Variants in PCDH11X observed in about 807,000 individuals in gnomAD.
PCDH11X encodes protocadherin-11 X-linked.
PCDH11X carries 18 observed loss-of-function variants against 53.3 expected under a neutral mutation model. The observed-to-expected ratio is 0.34, with a 90% CI of 0.23 to 0.50. The LOEUF (loss-of-function observed/expected upper bound fraction) is 0.50, where lower values mean the gene tolerates loss of function less well. PCDH11X is among the 20% of genes least tolerant of loss of function. The pLI is 0.98. For synonymous variants in PCDH11X, 279 were observed against 393.3 expected (o/e 0.71, Z 3.44); for missense variants, 570 against 1,032.4 (o/e 0.55, Z 6.14).
intron 1 of PCDH11X, among the ~76,000 whole-genome samples, chrX:91,804,098 A>G (rs778539449): frequency 1.9e-4 from 21 of 112,308 alleles, no homozygotes; most frequent in African/African-American, 5.8e-4. Flanking sequence ...TTGTTTCTTA[A>G]TAGCTTAAGC....
intron 6 of PCDH11X, among the ~76,000 whole-genome samples, chrX:91,929,550 T>G (rs1942056402): frequency 9.0e-6 from 1 of 111,008 alleles, no homozygotes; most frequent in African/African-American, 3.3e-5. Context: ...GAATTTTGTT[T>G]TAACTATCAT....
At chrX:92,042,463 C>T (rs1313732673) in intron 6 of PCDH11X, among the ~76,000 whole-genome samples, 2 of 103,311 alleles carry the variant, frequency 1.9e-5, no homozygotes. Flanking sequence ...AGTATAAAAT[C>T]TTCTGACAAA....
rs537086417 is a variant in PCDH11X, at chrX:92,583,168, C to T, written c.3368-35096C>T. 4.0e-3 allele frequency among the ~76,000 whole-genome samples: 391 copies of T among 96,576 alleles called. 2 individuals carry two copies. The highest frequency in any genetic ancestry group is 0.015 in the African/African-American group (371 of 25,484). 83.9% of individuals were successfully genotyped at this position (96,576 alleles called of 115,157 possible). On this transcript the variant is annotated intron_variant, in intron 10 of 10. Transcript: ENST00000682573. The stretch of plus-strand genomic sequence containing the variant: ...AGGCTGGAGTGCAGTGGTGTGATCT[C>T]GGCTCACTGCAACCTCCGCCTCCCA...
chrX:92,564,144 C>T lies in PCDH11X; in HGVS notation c.3368-54120C>T, dbSNP rs182361478. The stretch of plus-strand genomic sequence containing the variant: ...GACACCAAAAAATGGAAAGATATTT[C>T]GTGTTCATGGATTGGAAGAATCAAT... On this transcript the variant is annotated intron_variant, in intron 10 of 10. Coordinates refer to ENST00000682573, the MANE Select transcript of PCDH11X (RefSeq NM_032968.5). Among the ~76,000 whole-genome samples, 27 of 111,218 alleles carry T rather than the reference C, an allele frequency of 2.4e-4. No individual in the cohort carries two copies. The East Asian group carries it at 5.4e-3, about 22-fold the overall frequency.
At position 91,903,656 on chromosome X, in the gene PCDH11X, CGTGTGT is replaced by C. The variant is rs61017416; in HGVS notation, c.3033+24411_3033+24416del. ...GACTCAGCTCAGGTTCCTCTATGTG[CGTGTGT>C]GTGTGTGTGTGTGTGTGTGTGTGTG... On this transcript the variant is annotated intron_variant, in intron 6 of 10. Transcript: ENST00000682573. Among the ~76,000 whole-genome samples, 14 of 93,950 alleles carry C rather than the reference CGTGTGT, an allele frequency of 1.5e-4. No homozygotes were observed. In the East Asian group the frequency reaches 2.7e-3, roughly 18 times the overall value. 81.6% of individuals were successfully genotyped at this position (93,950 alleles called of 115,157 possible).
chrX:92,114,139 G>C lies in PCDH11X; in HGVS notation c.3034-87236G>C, dbSNP rs756118631. 8 of 1,178,308 alleles carry C rather than the reference G, an allele frequency of 6.8e-6. No individual in the cohort carries two copies. In the Admixed American group the frequency reaches 1.8e-4, roughly 26 times the overall value. Reference sequence around the variant, plus strand: ...TATCTGCTGAGCCAATTCTCGAGTGGGTGCTAGGACCAAGGCCTGGGTGGC... The same window carrying C: ...TATCTGCTGAGCCAATTCTCGAGTGCGTGCTAGGACCAAGGCCTGGGTGGC... On this transcript the variant is annotated intron_variant, in intron 6 of 10. Transcript: ENST00000682573.
intron 1 of PCDH11X, among the ~76,000 whole-genome samples, chrX:91,809,126 C>A (rs1023756037): frequency 3.7e-5 from 4 of 109,438 alleles, no homozygotes; most frequent in African/African-American, 1.3e-4. Context: ...GTTCTTGGCA[C>A]TAACTTCTTC....
chrX:92,049,955 A>G (rs916861458), intron 6 of PCDH11X, among the ~76,000 whole-genome samples: 2 of 111,325 alleles, frequency 1.8e-5, no homozygotes, highest in African/African-American at 6.5e-5. Flanking sequence ...TTGTATTTTT[A>G]GTAGAGACGG....
At chrX:92,414,155 G>A (rs1366739332) in intron 9 of PCDH11X, among the ~76,000 whole-genome samples, 3 of 101,923 alleles carry the variant, frequency 2.9e-5, no homozygotes, top group Non-Finnish European at 5.9e-5. Flanking sequence ...AAAGCCTATT[G>A]GTGGTTAGTG....
At chrX:91,830,849 T>G (rs1471029379) in intron 4 of PCDH11X, among the ~76,000 whole-genome samples, 2 of 111,752 alleles carry the variant, frequency 1.8e-5, no homozygotes, top group Non-Finnish European at 3.8e-5. Context: ...GTACAAAAAT[T>G]GTAGCATATA....
At chrX:92,209,328 C>T (rs1004932041) in intron 7 of PCDH11X, among the ~76,000 whole-genome samples, 4 of 111,700 alleles carry the variant, frequency 3.6e-5, no homozygotes, top group African/African-American at 1.3e-4. Flanking sequence ...TTTGCATGTC[C>T]GAGATACAAC....
chrX:92,224,394 C>T (rs1307147859), intron 7 of PCDH11X, among the ~76,000 whole-genome samples: 1 of 111,797 alleles, frequency 8.9e-6, no homozygotes, highest in East Asian at 2.8e-4. Context: ...AGGTGTCTAA[C>T]ATATGCATTT....
intron 10 of PCDH11X, among the ~76,000 whole-genome samples, chrX:92,613,336 T>A (rs1927581344): frequency 9.0e-6 from 1 of 111,021 alleles, no homozygotes; most frequent in Non-Finnish European, 1.9e-5. Flanking sequence ...AATCGTTTGT[T>A]TCTCCTTTGC....
intron 6 of PCDH11X, among the ~76,000 whole-genome samples, chrX:92,009,893 C>T (rs34674121): frequency 2.2e-4 from 24 of 109,208 alleles, no homozygotes; most frequent in South Asian, 1.6e-3. Flanking sequence ...TTAGTACAGA[C>T]GGGGTTTCAC....
chrX:92,317,496 C>T (rs1345724213), intron 8 of PCDH11X, among the ~76,000 whole-genome samples: 1 of 111,303 alleles, frequency 9.0e-6, no homozygotes, highest in African/African-American at 3.3e-5. Flanking sequence ...AAAATCAGTA[C>T]AGAGTCATAA....
At chrX:92,495,525 C>A (rs768371242) in intron 10 of PCDH11X, among the ~76,000 whole-genome samples, 1 of 109,633 alleles carries the variant, frequency 9.1e-6, no homozygotes, top group Non-Finnish European at 1.9e-5. Flanking sequence ...TGTATTTTAA[C>A]GAGTTTATTG....
chrX:92,253,423 G>A (rs1275030556), intron 7 of PCDH11X, among the ~76,000 whole-genome samples: 3 of 108,867 alleles, frequency 2.8e-5, no homozygotes, highest in Non-Finnish European at 5.7e-5. Flanking sequence ...GCTATTCTGG[G>A]TCTTTTGTGG....
At chrX:92,503,547 A>G (rs1432252224) in intron 10 of PCDH11X, among the ~76,000 whole-genome samples, 1 of 102,464 alleles carries the variant, frequency 9.8e-6, no homozygotes, top group African/African-American at 3.7e-5. Flanking sequence ...ATGCAGCCAT[A>G]AAAAGGAACA....
intron 6 of PCDH11X, among the ~76,000 whole-genome samples, chrX:92,062,068 T>G (rs2063531222): frequency 9.0e-6 from 1 of 111,333 alleles, no homozygotes; most frequent in Non-Finnish European, 1.9e-5. Flanking sequence ...TATTTCATTC[T>G]TTTTATGCCT....
Sources: gnomAD v4.1 joint callset for allele counts (sites outside exome capture counted in the v4.1 genomes callset) on GRCh38, gnomAD v4.1.1 for gene constraint, MANE v1.5 for transcripts, NCBI Gene and HGNC (gene_info 2026-07-23, HGNC 2026-07-21) for gene names.